ZAN: variants seen among roughly 807,000 people sequenced by gnomAD.
The protein encoded by ZAN is zonadhesin.
Under a neutral mutation model 286.2 loss-of-function variants are expected in ZAN, and 260 were observed. The ratio of observed to expected loss-of-function variants is 0.91; its 90% confidence interval spans 0.82 to 1.01. The LOEUF (loss-of-function observed/expected upper bound fraction) is 1.01. Ranked by LOEUF, ZAN falls within the 50% of genes least tolerant of loss-of-function variation. The probability of loss-of-function intolerance (pLI) is 0.00; values close to 1 mark genes in which losing one functional copy is unlikely to be tolerated. For missense variants in ZAN, 3,410 were observed against 3,639.2 expected, an observed-to-expected ratio of 0.94 and a Z score of 1.62; for synonymous variants, 1,368 against 1,417.5, an observed-to-expected ratio of 0.97 and a Z score of 0.79.
At chr7:100,762,417 C>CTT in intron 20 of ZAN, 59 bp downstream of exon 20, 6 of 1,063,448 alleles carry the variant, frequency 5.6e-6, no homozygotes, top group African/African-American at 1.9e-5. Flanking sequence ...TCCTGGAACT[C>CTT]TCTTTTTTTT....
At chr7:100,789,092 G>A in intron 38 of ZAN, 126 bp from the exon 39 acceptor site, 2 of 1,332,998 alleles carry the variant, frequency 1.5e-6, no homozygotes, top group South Asian at 1.7e-5. Context: ...AGCCCATTGG[G>A]GTATCTTATT....
intron 37 of ZAN, among the ~76,000 whole-genome samples, chr7:100,786,447 C>G (rs1811571538): frequency 1.3e-5 from 2 of 152,178 alleles, no homozygotes; most frequent in Admixed American, 1.3e-4. Context: ...TGCTCTGTTG[C>G]CCAGGCTGGA....
At chr7:100,737,872 T>C (rs1010979805) in intron 6 of ZAN, among the ~76,000 whole-genome samples, 1 of 139,952 alleles carries the variant, frequency 7.1e-6, no homozygotes, top group Non-Finnish European at 1.6e-5. Flanking sequence ...GAGGCCAAGG[T>C]GGGAGGATGG....
Position 100,736,897 on chromosome 7 carries a change from C to T in ZAN, c.342C>T (p.Pro114=), listed in dbSNP as rs114594978. 5.0e-4 allele frequency: 745 copies of T among 1,489,908 alleles called. 105 individuals are homozygous for T. The African/African-American group carries it at 9.9e-3, about 20-fold the overall frequency. The allele number at this position is 1,489,908 out of a possible 1,614,324, so 92.3% of individuals were successfully genotyped here. A position where few individuals can be genotyped will look rare whatever the true frequency, so the allele number is the denominator to read the frequency against. ...GCCCCGACCTATGGGAGCAAGGCCCCCTCTGTGTGCACTTTGCCCACCACA... is the reference window on the plus strand; with the variant it reads ...GCCCCGACCTATGGGAGCAAGGCCCTCTCTGTGTGCACTTTGCCCACCACA... ...LLSPDLWEQG[P]LCVHFAHHMF... The change falls in exon 5 of 48, where the codon CCC becomes CCT. Residue 114 remains proline, a synonymous_variant. Transcript: ENST00000613979.
At position 100,748,443 on chromosome 7, in the gene ZAN, G is replaced by A. The variant is rs1215762586; in HGVS notation, c.1222G>A (p.Gly408Ser). ...TAAAAATGGACCCGTCCATGGCATGGGCCCTGCGGGAGGTTTCCCTAATGC... is the reference window on the plus strand; with the variant it reads ...TAAAAATGGACCCGTCCATGGCATGAGCCCTGCGGGAGGTTTCCCTAATGC... ...GHKNGPVHGM[G>S]PAGGFPNAGG... is the part of the protein sequence containing the mutation. The change falls in exon 11 of 48, where the codon GGC becomes AGC. Residue 408 changes from glycine (G) to serine (S), a missense_variant. Coordinates refer to ENST00000613979, the MANE Select transcript of ZAN (RefSeq NM_003386.3). The A allele has an allele frequency of 3.1e-6, 5 of 1,613,218 alleles. No homozygotes were observed. The highest frequency in any genetic ancestry group is 1.7e-5 in the Admixed American group (1 of 59,844).
At chr7:100,758,742 G>T (rs1194335493) in intron 17 of ZAN, 92 bp downstream of exon 17, 3 of 1,508,260 alleles carry the variant, frequency 2.0e-6, no homozygotes, top group East Asian at 2.5e-5. Flanking sequence ...GAAGGGGCAG[G>T]GCACAGATGG....
At position 100,736,850 on chromosome 7, in the gene ZAN, G is replaced by T. The variant is rs1264140645; in HGVS notation, c.295G>T (p.Gly99Trp). 3.8e-5 allele frequency: 57 copies of T among 1,483,386 alleles called. 13 individuals carry two copies. The highest frequency in any genetic ancestry group is 4.9e-5 in the Non-Finnish European group (53 of 1,087,538). The allele number at this position is 1,483,386 out of a possible 1,614,324, so 91.9% of individuals were successfully genotyped here. Residue 99 changes from glycine (G) to tryptophan (W), a missense_variant, in exon 5 of 48, where the codon GGG (glycine) becomes TGG (tryptophan). Physicochemically the swap from Gly to Trp is radical, Grantham distance 184. Coordinates refer to ENST00000613979, the MANE Select transcript of ZAN (RefSeq NM_003386.3). ...LHMESNSFHR[G>W]GVARLLSPDL... ...TATGGAATCGAACAGCTTCCACCGTGGGGGAGTGGCCCGCCTGCTCAGCCC... is the reference window on the plus strand; with the variant it reads ...TATGGAATCGAACAGCTTCCACCGTTGGGGAGTGGCCCGCCTGCTCAGCCC...
rs1374961133 is a variant in ZAN at position 100,792,020 on chromosome 7, C to T, written c.7584C>T (p.Gly2528=). 6.2e-7 allele frequency: 1 copy of T among 1,613,324 alleles called. No individual in the cohort carries two copies. The highest frequency in any genetic ancestry group is 1.1e-5 in the South Asian group (1 of 90,992). ...GGGCGGAGCTGGGCCTCCGCACGGG[C>T]CTCCAAGTGTCCGAATGTAGCCCGG... is the stretch of plus-strand genomic sequence containing the variant. ...GQGAELGLRT[G]LQVSECSPEQ... The change falls in exon 41 of 48, where the codon GGC becomes GGT. Residue 2528 remains glycine, a synonymous_variant. Transcript: ENST00000613979.
Position 100,783,751 on chromosome 7 carries a change from A to T in ZAN, c.6623-872A>T, listed in dbSNP as rs1337131610. Among the ~76,000 whole-genome samples, 197 of 27,020 alleles carry T rather than the reference A, an allele frequency of 7.3e-3. 4 individuals are homozygous for T. Among genetic ancestry groups the T allele is most frequent in the Non-Finnish European group, 0.01 (154 of 15,308 alleles). The allele number at this position is 27,020 out of a possible 152,430, so 17.7% of individuals were successfully genotyped here. ...TCCCCCGCAAAAAAAAAAAAAAAAA[A>T]AAAAAAAAAAAAATATATATATATA... On this transcript the variant is annotated intron_variant, in intron 35 of 47. Transcript: ENST00000613979.
intron 35 of ZAN, among the ~76,000 whole-genome samples, chr7:100,783,343 T>TC (rs765998020): frequency 6.6e-6 from 1 of 152,096 alleles, no homozygotes; most frequent in Admixed American, 6.6e-5. Context: ...TACTGATGGC[T>TC]CTTTTTTTTA....
At chr7:100,783,805 C>CACATAT (rs1418175571) in intron 35 of ZAN, among the ~76,000 whole-genome samples, 3 of 22,872 alleles carry the variant, frequency 1.3e-4, no homozygotes, top group East Asian at 2.8e-3. Flanking sequence ...TATATACACA[C>CACATAT]ATATATATAT....
chr7:100,786,228 A>G (rs1811559168), intron 37 of ZAN, 87 bp downstream of exon 37: 4 of 1,562,408 alleles, frequency 2.6e-6, no homozygotes, highest in Non-Finnish European at 3.5e-6. Flanking sequence ...GAAGGGGCTT[A>G]GCCTGAACCC....
At chr7:100,771,420 CAGG>C (rs1810356698) in intron 28 of ZAN, among the ~76,000 whole-genome samples, 1 of 151,370 alleles carries the variant, frequency 6.6e-6, no homozygotes, top group Admixed American at 6.6e-5. Context: ...CTGGAAAATC[CAGG>C]AGGTTTTTTT....
intron 13 of ZAN, 138 bp from the exon 14 acceptor site, chr7:100,751,574 G>A (rs927070566): frequency 1.1e-6 from 1 of 918,570 alleles, no homozygotes; most frequent in African/African-American, 1.7e-5. Flanking sequence ...TTCGTTGAGT[G>A]GATGAAGGTT....
Position 100,763,772 on chromosome 7 carries a change from T to C in ZAN, c.3987-34T>C. On this transcript the variant is annotated intron_variant, in intron 20 of 47. Transcript: ENST00000613979. The surrounding 1 kb of genome is among the most constrained non-coding windows in gnomAD (Gnocchi z 4.6). ...TTAGGGATGAGCTGGAAGCGAGCTT[T>C]GTCTTTAGGGAGTTTGGGGTGGGTC... 6.2e-7 allele frequency: 1 copy of C among 1,605,714 alleles called. No individual in the cohort carries two copies. Among genetic ancestry groups the C allele is most frequent in the Non-Finnish European group, 8.5e-7 (1 of 1,172,508 alleles).
In ZAN at chr7:100,779,647, C is replaced by G. The variant is rs1033620815; in HGVS notation, c.6519C>G (p.Phe2173Leu). ...LVDCANTLCE[F>L]GGLYQALCQA... ...ACTGTGCAAACACCCTCTGTGAGTTCGGAGGTCTCTACCAGGCCCTCTGCC... is the reference window on the plus strand; with the variant it reads ...ACTGTGCAAACACCCTCTGTGAGTTGGGAGGTCTCTACCAGGCCCTCTGCC... Residue 2173 changes from phenylalanine (F) to leucine (L), a missense_variant, in exon 35 of 48, where the codon TTC becomes TTG. Physicochemically the swap from Phe to Leu is conservative, Grantham distance 22. Coordinates refer to ENST00000613979, the MANE Select transcript of ZAN (RefSeq NM_003386.3). 6.3e-7 allele frequency: 1 copy of G among 1,587,124 alleles called. No homozygotes were observed. The highest frequency in any genetic ancestry group is 8.6e-7 in the Non-Finnish European group (1 of 1,166,980).
intron 39 of ZAN, among the ~76,000 whole-genome samples, chr7:100,790,585 T>TAAA (rs1029462132): frequency 7.4e-5 from 9 of 121,574 alleles, no homozygotes; most frequent in Non-Finnish European, 1.4e-4. Context: ...AAAAGTTAAT[T>TAAA]AAAAAAAAGA....
chr7:100,759,632 TC>T, intron 17 of ZAN, 88 bp from the exon 18 acceptor site: 1 of 1,406,504 alleles, frequency 7.1e-7, no homozygotes, highest in Non-Finnish European at 9.3e-7. Flanking sequence ...GGCGCTCATC[TC>T]TCCCTGCGGC....
At position 100,775,693 on chromosome 7, in the gene ZAN, C is replaced by T; in HGVS notation, c.6052C>T (p.Pro2018Ser). 6.2e-7 allele frequency: 1 copy of T among 1,613,922 alleles called. No homozygotes were observed. Among genetic ancestry groups the T allele is most frequent in the African/African-American group, 1.3e-5 (1 of 75,036 alleles). ...VLINSKQVTL[P>S]AISQIPGVSV... ...GATCAACAGCAAACAGGTCACCCTC[C>T]CCGCCATCTCCCAGATCCCTGGGGT... Residue 2018 changes from proline to serine, a missense_variant, in exon 33 of 48, where the codon CCC becomes TCC. Physicochemically the swap from Pro to Ser is moderately conservative, Grantham distance 74. Transcript: ENST00000613979.
Sources: allele counts gnomAD v4.1 joint callset (sites outside exome capture counted in the v4.1 genomes callset), GRCh38; gene constraint gnomAD v4.1.1; non-coding constraint Gnocchi (gnomAD v3.1); transcripts MANE v1.5; gene names NCBI Gene and HGNC (gene_info 2026-07-23, HGNC 2026-07-21).